The following E2F5 variants were observed in gnomAD, a reference collection of about 807,000 sequenced individuals.
E2F5 encodes the protein E2F transcription factor 5.
A neutral mutation model predicts 39.1 loss-of-function variants in E2F5; 23 were observed. The observed-to-expected ratio is 0.59, with a 90% CI of 0.42 to 0.83. The LOEUF is 0.83. Ranked by LOEUF, E2F5 falls within the 40% of genes least tolerant of loss-of-function variation. E2F5 has a pLI of 0.00. For synonymous variants in E2F5, 145 were observed against 157.8 expected, an observed-to-expected ratio of 0.92 and a Z score of 0.61; for missense variants, 365 against 406.7, an observed-to-expected ratio of 0.90 and a Z score of 0.88.
At chr8:85,207,525 A>G (rs1418572498) in intron 5 of E2F5, 36 bp downstream of exon 5, 9 of 1,489,326 alleles carry the variant, frequency 6.0e-6, no homozygotes, top group Non-Finnish European at 8.2e-6. Context: ...TAAGTGGGAA[A>G]AATGAATCTA....
chr8:85,190,497 CTTTTTTT>C (rs34804570), intron 1 of E2F5, among the ~76,000 whole-genome samples: 7 of 70,304 alleles, frequency 1.0e-4, no homozygotes, highest in Admixed American at 4.3e-4. Flanking sequence ...GAGATTTTTC[CTTTTTTT>C]TTTTTTTTTT....
chr8:85,189,636 T>C (rs1812418134), intron 1 of E2F5, among the ~76,000 whole-genome samples: 1 of 152,208 alleles, frequency 6.6e-6, no homozygotes, highest in Non-Finnish European at 1.5e-5. Context: ...CTGAAAGTGC[T>C]GTGATTGTAG....
chr8:85,194,884 T>G (rs1297264063), intron 1 of E2F5, among the ~76,000 whole-genome samples: 1 of 151,796 alleles, frequency 6.6e-6, no homozygotes, highest in Non-Finnish European at 1.5e-5. Flanking sequence ...TTTTGTAGAA[T>G]TTAATACCAC....
At chr8:85,186,707 GTATATATAAGGTGTATATATGA>G (rs1812347390) in intron 1 of E2F5, among the ~76,000 whole-genome samples, 1 of 145,912 alleles carries the variant, frequency 6.9e-6, no homozygotes, top group Non-Finnish European at 1.5e-5. Context: ...GGTATATATG[GTATATATAAGGTGTATATATGA>G]TATATATAAG....
chr8:85,185,970 A>C (rs1812324936), intron 1 of E2F5, among the ~76,000 whole-genome samples: 1 of 152,220 alleles, frequency 6.6e-6, no homozygotes, highest in Non-Finnish European at 1.5e-5. Context: ...AAGGATCTAG[A>C]ACTAGAAATA....
At position 85,211,780 on chromosome 8, in the gene E2F5, G is replaced by C. The variant is rs559952823; in HGVS notation, c.884-377G>C. Among the ~76,000 whole-genome samples, 25 of 149,254 alleles carry C rather than the reference G, an allele frequency of 1.7e-4. No homozygotes were observed. The Admixed American group carries it at 1.7e-3, about 10-fold the overall frequency. On this transcript the variant is annotated intron_variant, in intron 6 of 7. Transcript: ENST00000416274. ...AGTCTCCCAAGTAGTTGGGACTATA[G>C]GCACGTGCCATGAATGTCTGGCTAA...
chr8:85,212,563 T>G (rs911864419), intron 7 of E2F5: 5 of 170,596 alleles, frequency 2.9e-5, no homozygotes, highest in African/African-American at 1.2e-4. Flanking sequence ...CAGGCCAATT[T>G]CAAGCTGCCA....
intron 7 of E2F5, chr8:85,213,236 T>C (rs1812982004): frequency 6.6e-6 from 1 of 151,506 alleles, no homozygotes; most frequent in East Asian, 2.0e-4. Flanking sequence ...TAGTGATAAG[T>C]TCAACCAATA....
chr8:85,203,506 G>A (rs991574197), intron 3 of E2F5, among the ~76,000 whole-genome samples: 1 of 151,998 alleles, frequency 6.6e-6, no homozygotes, highest in South Asian at 2.1e-4. Flanking sequence ...CCAACTTTTG[G>A]TCTACCAATT....
intron 7 of E2F5, 158 bp downstream of exon 7, chr8:85,212,362 C>T: frequency 1.8e-6 from 1 of 566,702 alleles, no homozygotes. Flanking sequence ...AAGTAATAGG[C>T]AACCTTCAGA....
chr8:85,186,214 A>G (rs1335817143), intron 1 of E2F5, among the ~76,000 whole-genome samples: 1 of 152,184 alleles, frequency 6.6e-6, no homozygotes, highest in Non-Finnish European at 1.5e-5. Flanking sequence ...TTGCAGGGAC[A>G]TGGATGAAGC....
chr8:85,184,993 A>G (rs1278645685), intron 1 of E2F5, among the ~76,000 whole-genome samples: 1 of 152,220 alleles, frequency 6.6e-6, no homozygotes, highest in Non-Finnish European at 1.5e-5. Flanking sequence ...GACTTTCTTC[A>G]CAGAATTGGA....
At chr8:85,209,551 T>C (rs1323112872) in intron 6 of E2F5, 142 bp downstream of exon 6, 3 of 1,037,490 alleles carry the variant, frequency 2.9e-6, no homozygotes, top group Non-Finnish European at 4.1e-6. Context: ...TAATAACATA[T>C]CTTGGGGATA....
chr8:85,186,706 GGT>G (rs1005150391), intron 1 of E2F5, among the ~76,000 whole-genome samples: 2 of 145,154 alleles, frequency 1.4e-5, no homozygotes, highest in Admixed American at 7.0e-5. Context: ...TGGTATATAT[GGT>G]ATATATAAGG....
chr8:85,182,367 G>A (rs1812238962), intron 1 of E2F5, among the ~76,000 whole-genome samples: 1 of 152,216 alleles, frequency 6.6e-6, no homozygotes, highest in Admixed American at 6.5e-5. Flanking sequence ...GCCAAGATAG[G>A]TTAGATAACT....
chr8:85,205,019 G>A (rs957113332), intron 3 of E2F5, among the ~76,000 whole-genome samples: 10 of 152,074 alleles, frequency 6.6e-5, no homozygotes, highest in East Asian at 1.9e-4. Flanking sequence ...AACCCTGTCC[G>A]TACTAAAAGT....
intron 1 of E2F5, among the ~76,000 whole-genome samples, chr8:85,184,614 A>G (rs535687708): frequency 2.0e-5 from 3 of 152,210 alleles, no homozygotes; most frequent in African/African-American, 7.2e-5. Flanking sequence ...TATTTAGAAA[A>G]CCCCATCGTC....
intron 1 of E2F5, among the ~76,000 whole-genome samples, chr8:85,186,386 T>G (rs538272477): frequency 2.0e-4 from 30 of 151,836 alleles, no homozygotes; most frequent in Non-Finnish European, 3.4e-4. Context: ...GGGATAGCAT[T>G]AACAGAAATA....
At chr8:85,182,824 TTTAAC>T (rs144310617) in intron 1 of E2F5, among the ~76,000 whole-genome samples, 59 of 152,356 alleles carry the variant, frequency 3.9e-4, no homozygotes, top group Non-Finnish European at 7.3e-4. Context: ...ATTATAATTC[TTTAAC>T]TTAATAAATT....
Sources: gnomAD v4.1 joint callset for allele counts (sites outside exome capture counted in the v4.1 genomes callset) on GRCh38, gnomAD v4.1.1 for gene constraint, MANE v1.5 for transcripts, NCBI Gene and HGNC (gene_info 2026-07-23, HGNC 2026-07-21) for gene names.